The following PRTG variants were observed in gnomAD, a reference collection of about 807,000 sequenced individuals.
PRTG encodes the protein protogenin.
In PRTG, 67 loss-of-function variants were observed where a neutral mutation model predicts 122.5. That is an observed-to-expected ratio of 0.55 (90% CI 0.45 to 0.67). PRTG has a LOEUF of 0.67. Among genes scored for constraint, PRTG ranks in the 30% least tolerant of loss-of-function variants. The pLI is 0.00. For synonymous variants in PRTG, 554 were observed against 501.1 expected (o/e 1.11, Z -1.41); for missense variants, 1,435 against 1,415.4 (o/e 1.01, Z -0.22).
intron 11 of PRTG, among the ~76,000 whole-genome samples, chr15:55,645,433 C>CAA (rs374791424): frequency 0.044 from 826 of 18,944 alleles, 132 homozygotes; most frequent in African/African-American, 0.069. Flanking sequence ...AACTCCGTCT[C>CAA]AAAAAAAAAA....
At chr15:55,629,037 ATTTATCT>A (rs757580498) in intron 15 of PRTG, 33 bp from the exon 16 acceptor site, 65 of 1,455,406 alleles carry the variant, frequency 4.5e-5, no homozygotes, top group Non-Finnish European at 5.6e-5. Flanking sequence ...TTAAGTGAAC[ATTTATCT>A]TTTATTCTTT....
chr15:55,737,467 T>C (rs1484220011), intron 2 of PRTG, among the ~76,000 whole-genome samples: 1 of 152,200 alleles, frequency 6.6e-6, no homozygotes, highest in African/African-American at 2.4e-5. Flanking sequence ...TCTGATGTGC[T>C]TGGGAGATAA....
chr15:55,676,051 T>A (rs1491003655), intron 8 of PRTG, among the ~76,000 whole-genome samples: 3 of 152,114 alleles, frequency 2.0e-5, no homozygotes, highest in Non-Finnish European at 2.9e-5. Flanking sequence ...CTCATGGGGT[T>A]TTTTTTCTTT....
In PRTG at chr15:55,731,417, T is replaced by C. The variant is rs377019626; in HGVS notation, c.397+8965A>G. ...ATGCAGTCTTGTTCTGTCGCCCAGG[T>C]TGGAGTACAACGGCATGCTCTCGGC... On this transcript the variant is annotated intron_variant, in intron 2 of 19. Coordinates refer to ENST00000389286, the MANE Select transcript of PRTG (RefSeq NM_173814.6). Among the ~76,000 whole-genome samples, 12 of 140,858 alleles carry C rather than the reference T, an allele frequency of 8.5e-5. No individual in the cohort carries two copies. The East Asian group carries it at 2.3e-3, about 27-fold the overall frequency. The allele number at this position is 140,858 out of a possible 152,430, so 92.4% of individuals were successfully genotyped here.
chr15:55,641,337 T>C, intron 11 of PRTG, 129 bp from the exon 12 acceptor site: 2 of 617,766 alleles, frequency 3.2e-6, no homozygotes, highest in Admixed American at 5.8e-5. Context: ...TAATATAAAA[T>C]TACTGCTCAT....
intron 15 of PRTG, among the ~76,000 whole-genome samples, chr15:55,634,668 C>T (rs1243861261): frequency 2.6e-5 from 4 of 151,928 alleles, no homozygotes; most frequent in South Asian, 4.2e-4. Flanking sequence ...CAGTGAAACA[C>T]CCGTCTCTAC....
At chr15:55,709,096 A>T (rs927249853) in intron 2 of PRTG, among the ~76,000 whole-genome samples, 2 of 145,958 alleles carry the variant, frequency 1.4e-5, no homozygotes, top group Non-Finnish European at 3.0e-5. Flanking sequence ...CGGTGAGCCA[A>T]AATTGCGCCA....
intron 2 of PRTG, among the ~76,000 whole-genome samples, chr15:55,730,759 C>T (rs1383938690): frequency 2.0e-5 from 3 of 152,142 alleles, no homozygotes; most frequent in Non-Finnish European, 2.9e-5. Flanking sequence ...GAGATGGCGC[C>T]ACTGCACTCC....
Position 55,740,671 on chromosome 15 carries a change from A to G in PRTG, c.108T>C (p.Phe36=). 6.2e-7 allele frequency: 1 copy of G among 1,612,940 alleles called. No homozygotes were observed. Among genetic ancestry groups the G allele is most frequent in the Non-Finnish European group, 8.5e-7 (1 of 1,179,508 alleles). The change falls in exon 2 of 20, where the codon TTT becomes TTC. Residue 36 remains phenylalanine, a synonymous_variant. Coordinates refer to ENST00000389286, the MANE Select transcript of PRTG (RefSeq NM_173814.6). ...LLSPLPGVWC[F]SELSFVKEPQ... ...GTTCTTTTACAAAAGACAGTTCGCTAAAGCACCACACTCCTATAAGGAAAA... is the reference window on the plus strand; with the variant it reads ...GTTCTTTTACAAAAGACAGTTCGCTGAAGCACCACACTCCTATAAGGAAAA...
At chr15:55,631,547 C>T (rs2059227567) in intron 15 of PRTG, among the ~76,000 whole-genome samples, 1 of 152,158 alleles carries the variant, frequency 6.6e-6, no homozygotes, top group African/African-American at 2.4e-5. Flanking sequence ...TTCACAAATA[C>T]TGAAGTGATC....
intron 2 of PRTG, among the ~76,000 whole-genome samples, chr15:55,711,326 A>G (rs1264286673): frequency 6.6e-6 from 1 of 152,012 alleles, no homozygotes; most frequent in Non-Finnish European, 1.5e-5. Context: ...ACAGCTTACA[A>G]ATATGTTCTT....
At position 55,616,930 on chromosome 15, in the gene PRTG, G is replaced by C. The variant is rs899733482; in HGVS notation, c.*3082C>G. 1.3e-5 allele frequency: 2 copies of C among 152,036 alleles called. No homozygotes were observed. The highest frequency in any genetic ancestry group is 2.9e-5 in the Non-Finnish European group (2 of 67,972). The allele number at this position is 152,036 out of a possible 1,614,324, so 9.4% of individuals were successfully genotyped here. A position where few individuals can be genotyped will look rare whatever the true frequency, so the allele number is the denominator to read the frequency against. Reference sequence around the variant, plus strand: ...TATACATCTTAATGGTCTTTGGTATGAAAATACTGATGAGCAGTATCTTGT... The same window carrying C: ...TATACATCTTAATGGTCTTTGGTATCAAAATACTGATGAGCAGTATCTTGT... On this transcript the variant is annotated 3_prime_UTR_variant, in exon 20 of 20. Transcript: ENST00000389286.
intron 2 of PRTG, among the ~76,000 whole-genome samples, chr15:55,690,259 T>C (rs1233400529): frequency 6.6e-6 from 1 of 152,188 alleles, no homozygotes; most frequent in Non-Finnish European, 1.5e-5. Context: ...AGGAAACTTT[T>C]AAAGTAATCT....
intron 17 of PRTG, among the ~76,000 whole-genome samples, chr15:55,626,233 TG>T (rs1436914897): frequency 1.3e-5 from 2 of 151,638 alleles, no homozygotes; most frequent in Non-Finnish European, 2.9e-5. Context: ...CTGGCCAACA[TG>T]GTGAAATCTA....
chr15:55,634,795 T>A (rs1218011410), intron 15 of PRTG, among the ~76,000 whole-genome samples: 1 of 150,458 alleles, frequency 6.6e-6, no homozygotes, highest in Non-Finnish European at 1.5e-5. Flanking sequence ...TGAGCCAAGA[T>A]CCACTGTACT....
chr15:55,629,375 A>ATATGTGTGTG (rs1374294067), intron 15 of PRTG, among the ~76,000 whole-genome samples: 24 of 47,968 alleles, frequency 5.0e-4, no homozygotes, highest in Admixed American at 8.7e-4. Flanking sequence ...ATATATATAT[A>ATATGTGTGTG]TGTGTGTGTG....
chr15:55,709,103 G>A (rs908832292), intron 2 of PRTG, among the ~76,000 whole-genome samples: 32 of 123,496 alleles, frequency 2.6e-4, no homozygotes, highest in Non-Finnish European at 4.0e-4. Flanking sequence ...CCAAAATTGC[G>A]CCACTGCACT....
chr15:55,669,368 A>G lies in PRTG; in HGVS notation c.2041+3077T>C, dbSNP rs78504177. On this transcript the variant is annotated intron_variant, in intron 11 of 19. Coordinates refer to ENST00000389286, the MANE Select transcript of PRTG (RefSeq NM_173814.6). ...AGCTCAGTGAAAGCAAGTATTCACCATGCAAGACACAGATAGGATTCCCTT... is the reference window on the plus strand; with the variant it reads ...AGCTCAGTGAAAGCAAGTATTCACCGTGCAAGACACAGATAGGATTCCCTT... 1.3e-3 allele frequency among the ~76,000 whole-genome samples: 194 copies of G among 152,314 alleles called. 2 individuals carry two copies. In the East Asian group the frequency reaches 0.032, roughly 25 times the overall value.
intron 2 of PRTG, among the ~76,000 whole-genome samples, chr15:55,694,119 A>G (rs1595657773): frequency 2.0e-5 from 3 of 152,242 alleles, no homozygotes; most frequent in South Asian, 4.1e-4. Context: ...CACTACTTCA[A>G]TGATGAAATA....
Sources: gnomAD v4.1 joint callset for allele counts (sites outside exome capture counted in the v4.1 genomes callset) on GRCh38, gnomAD v4.1.1 for gene constraint, MANE v1.5 for transcripts, NCBI Gene and HGNC (gene_info 2026-07-23, HGNC 2026-07-21) for gene names.